The following PRR16 variants were observed in gnomAD, a reference collection of about 807,000 sequenced individuals.
The protein encoded by PRR16 is protein Largen.
A neutral mutation model predicts 18.2 loss-of-function variants in PRR16; 6 were observed. The observed-to-expected ratio is 0.33, with a 90% CI of 0.18 to 0.65. The LOEUF is 0.65. Among genes scored for constraint, PRR16 ranks in the 30% least tolerant of loss-of-function variants. PRR16 has a pLI of 0.74. For synonymous variants in PRR16, 151 were observed against 147.8 expected, an observed-to-expected ratio of 1.02 and a Z score of -0.16; for missense variants, 412 against 376.6, an observed-to-expected ratio of 1.09 and a Z score of -0.78.
the PRR16 span, among the ~76,000 whole-genome samples, chr5:120,749,423 G>C: frequency 6.6e-6 from 1 of 152,010 alleles, no homozygotes; most frequent in African/African-American, 2.4e-5. Flanking sequence ...TGCTACCTGA[G>C]CTTGAGTATG....
At chr5:120,733,235 C>G in the PRR16 span, among the ~76,000 whole-genome samples, 3 of 151,984 alleles carry the variant, frequency 2.0e-5, no homozygotes, top group Non-Finnish European at 4.4e-5. Flanking sequence ...AGCTTGAACT[C>G]CTGGGCTCAA....
intron 1 of PRR16, among the ~76,000 whole-genome samples, chr5:120,517,818 C>G (rs991431421): frequency 6.6e-6 from 1 of 152,174 alleles, no homozygotes; most frequent in African/African-American, 2.4e-5. Flanking sequence ...GTTTTCAGTA[C>G]TAGAAGGCCT....
the PRR16 span, among the ~76,000 whole-genome samples, chr5:120,720,145 T>C: frequency 1.3e-5 from 2 of 152,040 alleles, no homozygotes; most frequent in South Asian, 2.1e-4. Context: ...ATAAGAATAA[T>C]AGTCTTGCTT....
chr5:120,646,437 C>T (rs1755605462), intron 1 of PRR16, among the ~76,000 whole-genome samples: 1 of 151,868 alleles, frequency 6.6e-6, no homozygotes, highest in African/African-American at 2.4e-5. Flanking sequence ...ATTCTAGGTA[C>T]AGGGACCGTC....
the PRR16 span, among the ~76,000 whole-genome samples, chr5:120,754,226 A>ACT: frequency 1.6e-5 from 1 of 61,978 alleles, no homozygotes; most frequent in Non-Finnish European, 2.8e-5. Flanking sequence ...TATAATATAT[A>ACT]ATATAATATA....
intron 1 of PRR16, among the ~76,000 whole-genome samples, chr5:120,497,219 T>G (rs982000568): frequency 6.6e-6 from 1 of 152,102 alleles, no homozygotes; most frequent in Non-Finnish European, 1.5e-5. Context: ...TAGATTCTAT[T>G]GGCTCATGGT....
chr5:120,481,431 C>G (rs969731271), intron 1 of PRR16: 1 of 231,182 alleles, frequency 4.3e-6, no homozygotes, highest in Non-Finnish European at 8.9e-6. Flanking sequence ...ACGCCTGGCC[C>G]GTTTTAAAAT....
intron 1 of PRR16, among the ~76,000 whole-genome samples, chr5:120,556,233 G>GTTTTTTTT (rs34053155): frequency 5.7e-5 from 7 of 121,758 alleles, no homozygotes; most frequent in African/African-American, 2.2e-4. Context: ...CAATTTCATT[G>GTTTTTTTT]TTTTTTTTTT....
chr5:120,491,454 C>G (rs986620311), intron 1 of PRR16, among the ~76,000 whole-genome samples: 5 of 90,974 alleles, frequency 5.5e-5, no homozygotes, highest in Admixed American at 2.0e-4. Flanking sequence ...CTTTCCTTTC[C>G]TTTCCTTTCC....
chr5:120,540,310 T>C (rs578031447), intron 1 of PRR16, among the ~76,000 whole-genome samples: 1 of 150,706 alleles, frequency 6.6e-6, no homozygotes, highest in Admixed American at 6.7e-5. Context: ...TTGTATGTTT[T>C]TGAATTCAAA....
At chr5:120,728,236 CA>C in the PRR16 span, among the ~76,000 whole-genome samples, 1 of 150,760 alleles carries the variant, frequency 6.6e-6, no homozygotes, top group Middle Eastern at 3.5e-3. Flanking sequence ...TTTCTGATCT[CA>C]AAAAAATCCC....
intron 1 of PRR16, chr5:120,658,396 A>C (rs1167330529): frequency 6.6e-6 from 1 of 151,898 alleles, no homozygotes; most frequent in East Asian, 1.9e-4. Context: ...CATGGAACCA[A>C]CACTTGTACG....
At chr5:120,556,948 G>GAAA (rs75615628) in intron 1 of PRR16, among the ~76,000 whole-genome samples, 1 of 140,406 alleles carries the variant, frequency 7.1e-6, no homozygotes, top group Non-Finnish European at 1.6e-5. Flanking sequence ...ACTGCTACAT[G>GAAA]AAAAAAAAAA....
chr5:120,610,031 T>A (rs1754284667), intron 1 of PRR16, among the ~76,000 whole-genome samples: 2 of 152,146 alleles, frequency 1.3e-5, no homozygotes, highest in Admixed American at 6.5e-5. Context: ...CCCAGTTTTG[T>A]GTGGCACCCT....
At chr5:120,704,434 A>G in the PRR16 span, among the ~76,000 whole-genome samples, 7 of 152,126 alleles carry the variant, frequency 4.6e-5, no homozygotes, top group Admixed American at 4.6e-4. Context: ...TACTATTTGC[A>G]CCAAAGAGAA....
At chr5:120,688,013 G>C (rs1190564467), downstream of PRR16, among the ~76,000 whole-genome samples, 1 of 152,180 alleles carries the variant, frequency 6.6e-6, no homozygotes, top group African/African-American at 2.4e-5. Flanking sequence ...AGTAGAGGGA[G>C]TCATCTTTTG....
intron 1 of PRR16, among the ~76,000 whole-genome samples, chr5:120,523,209 A>G (rs1348207109): frequency 6.6e-6 from 1 of 152,184 alleles, no homozygotes; most frequent in Non-Finnish European, 1.5e-5. Context: ...TCTCATCATT[A>G]CATTTATTTG....
chr5:120,614,964 G>C (rs72792298), intron 1 of PRR16, among the ~76,000 whole-genome samples: 8,945 of 152,054 alleles, frequency 0.059, 338 homozygotes, highest in Middle Eastern at 0.11. Flanking sequence ...TCTTGGTTCA[G>C]AATTCTTCAT....
chr5:120,706,043 TAATTA>T, the PRR16 span, among the ~76,000 whole-genome samples: 1 of 152,194 alleles, frequency 6.6e-6, no homozygotes, highest in Non-Finnish European at 1.5e-5. Flanking sequence ...ACATGTAATC[TAATTA>T]AATGGGTACA....
Sources: allele counts gnomAD v4.1 joint callset (sites outside exome capture counted in the v4.1 genomes callset), GRCh38; gene constraint gnomAD v4.1.1; transcripts MANE v1.5; gene names NCBI Gene and HGNC (gene_info 2026-07-23, HGNC 2026-07-21).